CPQ: variants seen among roughly 807,000 people sequenced by gnomAD.
CPQ encodes the protein carboxypeptidase Q, also known as Ser-Met dipeptidase.
In CPQ, 37 loss-of-function variants were observed where a neutral mutation model predicts 45.7. That is an observed-to-expected ratio of 0.81 (90% confidence interval 0.62 to 1.07). The LOEUF (loss-of-function observed/expected upper bound fraction) is 1.07, where lower values mean the gene tolerates loss of function less well. CPQ is among the 50% of genes least tolerant of loss of function. CPQ has a pLI of 0.00. For synonymous variants in CPQ, 186 were observed against 205.8 expected, an observed-to-expected ratio of 0.90 and a Z score of 0.82; for missense variants, 537 against 572.9, an observed-to-expected ratio of 0.94 and a Z score of 0.64.
intron 4 of CPQ, among the ~76,000 whole-genome samples, chr8:96,885,033 G>A (rs1156241653): frequency 2.6e-5 from 4 of 152,184 alleles, no homozygotes; most frequent in Non-Finnish European, 5.9e-5. Context: ...GGGTATCTTA[G>A]TCTGTTTTAT....
chr8:97,067,296 A>AGTTTACT (rs1810656175), intron 7 of CPQ, among the ~76,000 whole-genome samples: 1 of 152,120 alleles, frequency 6.6e-6, no homozygotes, highest in African/African-American at 2.4e-5. Flanking sequence ...CCATTGAAAA[A>AGTTTACT]GTTTACTGAT....
chr8:96,989,516 G>A (rs1216196738), intron 5 of CPQ, among the ~76,000 whole-genome samples: 1 of 150,914 alleles, frequency 6.6e-6, no homozygotes, highest in Non-Finnish European at 1.5e-5. Context: ...GAGAGGAGCG[G>A]AGAGGAGAGG....
In CPQ at chr8:96,941,170, A is replaced by T. The variant is rs550952586; in HGVS notation, c.850-24765A>T. On this transcript the variant is annotated intron_variant, in intron 4 of 7. Coordinates refer to ENST00000220763, the MANE Select transcript of CPQ (RefSeq NM_016134.4). ...TGGATGGAATGTGGGTACTACATGGAGTGCCCTGGTGCTGCTGCTGCTGCT... is the reference window on the plus strand; with the variant it reads ...TGGATGGAATGTGGGTACTACATGGTGTGCCCTGGTGCTGCTGCTGCTGCT... Among the ~76,000 whole-genome samples the T allele has an allele frequency of 2.6e-4, 40 of 152,256 alleles. 1 individual carries two copies. Among genetic ancestry groups the T allele is most frequent in the Admixed American group, 7.9e-4 (12 of 15,280 alleles).
At chr8:96,864,666 C>A (rs1182129711) in intron 3 of CPQ, among the ~76,000 whole-genome samples, 1 of 152,024 alleles carries the variant, frequency 6.6e-6, no homozygotes, top group African/African-American at 2.4e-5. Flanking sequence ...TTTTCCAAAC[C>A]TAAAAGAGTG....
intron 5 of CPQ, among the ~76,000 whole-genome samples, chr8:96,980,742 T>C (rs1666016689): frequency 6.6e-6 from 1 of 152,106 alleles, no homozygotes; most frequent in African/African-American, 2.4e-5. Context: ...ACATGTGAGT[T>C]TGGCCTGGAT....
chr8:96,697,968 A>G (rs1379099877), intron 1 of CPQ, among the ~76,000 whole-genome samples: 4 of 152,166 alleles, frequency 2.6e-5, no homozygotes, highest in African/African-American at 9.7e-5. Flanking sequence ...CTATCATGAT[A>G]CCAATGACTT....
At chr8:97,135,655 T>C (rs1292813391) in intron 7 of CPQ, among the ~76,000 whole-genome samples, 2 of 152,132 alleles carry the variant, frequency 1.3e-5, no homozygotes, top group African/African-American at 4.8e-5. Context: ...ACCCCATAAT[T>C]ATTATGATCA....
chr8:96,650,409 A>G (rs1195836179), intron 1 of CPQ, among the ~76,000 whole-genome samples: 1 of 152,220 alleles, frequency 6.6e-6, no homozygotes, highest in Non-Finnish European at 1.5e-5. Flanking sequence ...CCTTATATTT[A>G]AAAAGCAATT....
At chr8:97,002,972 G>C (rs1236934427) in intron 5 of CPQ, among the ~76,000 whole-genome samples, 3 of 152,294 alleles carry the variant, frequency 2.0e-5, no homozygotes, top group Admixed American at 2.0e-4. Flanking sequence ...ATTTAGGACA[G>C]TTAGATTTTC....
At chr8:96,856,963 A>G (rs1042083417) in intron 3 of CPQ, among the ~76,000 whole-genome samples, 1 of 152,234 alleles carries the variant, frequency 6.6e-6, no homozygotes, top group Non-Finnish European at 1.5e-5. Flanking sequence ...AGCCATGCTC[A>G]GTTCCTGGAG....
intron 2 of CPQ, among the ~76,000 whole-genome samples, chr8:96,829,311 A>G (rs1811418853): frequency 6.6e-6 from 1 of 152,146 alleles, no homozygotes; most frequent in Admixed American, 6.6e-5. Flanking sequence ...CTCAGGAGAC[A>G]CAGTCCGGAG....
chr8:96,812,937 A>G (rs1811177895), intron 2 of CPQ, among the ~76,000 whole-genome samples: 1 of 151,928 alleles, frequency 6.6e-6, no homozygotes, highest in South Asian at 2.1e-4. Context: ...CAAGCCTGAC[A>G]GTGATATGGG....
chr8:96,770,604 C>G (rs1396650346), intron 1 of CPQ, among the ~76,000 whole-genome samples: 3 of 151,356 alleles, frequency 2.0e-5, no homozygotes, highest in Admixed American at 2.0e-4. Context: ...TGGAATTGCC[C>G]TTTTTACATA....
intron 7 of CPQ, among the ~76,000 whole-genome samples, chr8:97,096,946 G>A (rs1811219699): frequency 6.6e-6 from 1 of 152,210 alleles, no homozygotes; most frequent in African/African-American, 2.4e-5. Context: ...TGTGCAATGT[G>A]TTGAGTCTTT....
intron 1 of CPQ, among the ~76,000 whole-genome samples, chr8:96,677,449 G>A (rs1168644615): frequency 6.6e-6 from 1 of 152,070 alleles, no homozygotes; most frequent in East Asian, 1.9e-4. Context: ...CTTTGCATGT[G>A]TTTGGTGGCT....
intron 1 of CPQ, chr8:96,732,263 T>A (rs1809922273): frequency 6.6e-6 from 1 of 152,208 alleles, no homozygotes; most frequent in Admixed American, 6.5e-5. Flanking sequence ...CACATTATGT[T>A]CTCTGCACAT....
chr8:96,977,558 A>G (rs1457349556), intron 5 of CPQ, among the ~76,000 whole-genome samples: 3 of 152,188 alleles, frequency 2.0e-5, no homozygotes, highest in African/African-American at 4.8e-5. Context: ...TAGCAGCATG[A>G]TTTGCAATTG....
At chr8:96,873,538 A>G in intron 3 of CPQ, among the ~76,000 whole-genome samples, 1 of 151,886 alleles carries the variant, frequency 6.6e-6, no homozygotes, top group Middle Eastern at 3.4e-3. Flanking sequence ...AAAATTTTCC[A>G]AGAGTTATTT....
intron 3 of CPQ, among the ~76,000 whole-genome samples, chr8:96,874,464 C>T (rs1812120197): frequency 6.6e-6 from 1 of 151,788 alleles, no homozygotes; most frequent in Admixed American, 6.6e-5. Flanking sequence ...TAATATTCCA[C>T]TCTCCCCTGC....
Sources: allele counts gnomAD v4.1 joint callset (sites outside exome capture counted in the v4.1 genomes callset), GRCh38; gene constraint gnomAD v4.1.1; transcripts MANE v1.5; gene names NCBI Gene and HGNC (gene_info 2026-07-23, HGNC 2026-07-21).